Variants in NOTCH2 observed in about 807,000 individuals in gnomAD.
The protein encoded by NOTCH2 is neurogenic locus notch homolog protein 2.
In NOTCH2, 29 loss-of-function variants were observed where a neutral mutation model predicts 235.8. The observed-to-expected ratio is 0.12, with a 90% CI of 0.09 to 0.17. The LOEUF (loss-of-function observed/expected upper bound fraction) is 0.17. Among genes scored for constraint, NOTCH2 ranks in the 10% least tolerant of loss-of-function variants. NOTCH2 has a pLI of 1.00. For missense variants in NOTCH2, 2,285 were observed against 3,150.2 expected (o/e 0.73, Z 6.57); for synonymous variants, 1,086 against 1,141.5 (o/e 0.95, Z 0.98).
intron 1 of NOTCH2, among the ~76,000 whole-genome samples, chr1:120,030,638 G>A (rs1654054887): frequency 9.6e-6 from 1 of 104,530 alleles, no homozygotes; most frequent in Admixed American, 1.1e-4. Flanking sequence ...AGTATCAAAA[G>A]AAATAAAAGG....
Position 119,916,278 on chromosome 1 carries a change from T to C in NOTCH2, c.6444A>G (p.Leu2148=). 6.2e-7 allele frequency: 1 copy of C among 1,614,164 alleles called. No individual in the cohort carries two copies. The highest frequency in any genetic ancestry group is 1.1e-5 in the South Asian group (1 of 91,084). The change falls in exon 34 of 34, where the codon TTA becomes TTG. Residue 2148 remains leucine (L), a synonymous_variant. Transcript: ENST00000256646. ...GAGATTCTAGGGAATCAACAGGGGA[T>C]AAAGTTACTGAACTCTCAGACAGTT... is the stretch of plus-strand genomic sequence containing the variant. ...KVQLSESSVT[L]SPVDSLESPH...
intron 2 of NOTCH2, among the ~76,000 whole-genome samples, chr1:120,009,372 G>A (rs1396219949): frequency 7.3e-5 from 11 of 151,520 alleles, no homozygotes; most frequent in African/African-American, 2.2e-4. Context: ...TATTAATAAA[G>A]TTTGATTTCT....
chr1:119,949,899 G>GTGTTT (rs1309508207), intron 15 of NOTCH2, among the ~76,000 whole-genome samples: 1 of 152,158 alleles, frequency 6.6e-6, no homozygotes, highest in Non-Finnish European at 1.5e-5. Context: ...GTCTATGTTT[G>GTGTTT]TGTTTTGTTC....
intron 5 of NOTCH2, among the ~76,000 whole-genome samples, chr1:119,981,562 A>G (rs1362893322): frequency 5.9e-5 from 9 of 152,164 alleles, no homozygotes; most frequent in Non-Finnish European, 1.2e-4. Context: ...AGCCAAGGCT[A>G]CACCCTGAGT....
chr1:120,003,770 A>G (rs1652854663), intron 3 of NOTCH2, among the ~76,000 whole-genome samples: 1 of 151,958 alleles, frequency 6.6e-6, no homozygotes, highest in Non-Finnish European at 1.5e-5. Context: ...GCCTAAAGGA[A>G]TCATGAAAGG....
chr1:119,934,535 G>C (rs1553195520), intron 22 of NOTCH2, among the ~76,000 whole-genome samples: 1 of 152,116 alleles, frequency 6.6e-6, no homozygotes, highest in Non-Finnish European at 1.5e-5. Flanking sequence ...CTTAAAGACT[G>C]TTTCTCCTTA....
intron 19 of NOTCH2, among the ~76,000 whole-genome samples, chr1:119,938,440 TATTTATCC>T (rs1553196042): frequency 1.3e-5 from 2 of 152,164 alleles, no homozygotes; most frequent in Non-Finnish European, 2.9e-5. Context: ...ACAAGATAAT[TATTTATCC>T]AATTTTTGGT....
At position 119,925,477 on chromosome 1, in the gene NOTCH2, C is replaced by A. The variant is rs757093466; in HGVS notation, c.4339G>T (p.Ala1447Ser). The change falls in exon 25 of 34, where the codon GCC (alanine) becomes TCC (serine). Residue 1447 changes from alanine to serine, a missense_variant. Coordinates refer to ENST00000256646, the MANE Select transcript of NOTCH2 (RefSeq NM_024408.4). ...CAGTCACCCCCATCCCACTGGCAGG[C>A]ATGGCTGTTGCAGGCCTCATCACAG... ...GVCDEACNSH[A>S]CQWDGGDCSL... is the part of the protein sequence containing the mutation. 6.2e-7 allele frequency: 1 copy of A among 1,614,206 alleles called. No individual in the cohort carries two copies. The highest frequency in any genetic ancestry group is 8.5e-7 in the Non-Finnish European group (1 of 1,180,042).
intron 5 of NOTCH2, among the ~76,000 whole-genome samples, chr1:119,977,031 T>G (rs1229032812): frequency 6.6e-6 from 1 of 152,074 alleles, no homozygotes; most frequent in Admixed American, 6.6e-5. Flanking sequence ...TTATGGAGAA[T>G]TATATTGTCT....
rs1328023511 is a variant in NOTCH2 at position 119,925,607 on chromosome 1, G to C, written c.4209C>G (p.Ala1403=). ...CACAGCGGCTACCCGAGAATGGTGGGGCACACTGGCAGGAGTAATAAGGAG... is the reference window on the plus strand; with the variant it reads ...CACAGCGGCTACCCGAGAATGGTGGCGCACACTGGCAGGAGTAATAAGGAG... ...RQPPYYSCQC[A]PPFSGSRCEL... is the part of the protein sequence containing the mutation. The change falls in exon 25 of 34, where the codon GCC becomes GCG. Residue 1403 remains alanine (A), a synonymous_variant. Coordinates refer to ENST00000256646, the MANE Select transcript of NOTCH2 (RefSeq NM_024408.4). 6.2e-7 allele frequency: 1 copy of C among 1,614,128 alleles called. No homozygotes were observed. The highest frequency in any genetic ancestry group is 8.5e-7 in the Non-Finnish European group (1 of 1,180,016).
intron 5 of NOTCH2, among the ~76,000 whole-genome samples, chr1:119,977,812 C>G (rs1272078247): frequency 6.6e-6 from 1 of 152,104 alleles, no homozygotes; most frequent in Admixed American, 6.5e-5. Flanking sequence ...GGGCTGGGAA[C>G]AACTGGAAAA....
chr1:119,919,259 C>T (rs1649190721), intron 31 of NOTCH2, 53 bp downstream of exon 31: 1 of 1,516,638 alleles, frequency 6.6e-7, no homozygotes, highest in African/African-American at 1.4e-5. Context: ...AACGATAAAA[C>T]ATTATAGAGC....
chr1:120,049,090 TACAA>T (rs1654913400), intron 1 of NOTCH2, among the ~76,000 whole-genome samples: 1 of 16,390 alleles, frequency 6.1e-5, no homozygotes, highest in Admixed American at 7.3e-4. Flanking sequence ...ACTGAAATTC[TACAA>T]ACAAAGGGGT....
intron 2 of NOTCH2, among the ~76,000 whole-genome samples, chr1:120,016,025 A>T (rs1570749737): frequency 7.8e-6 from 1 of 128,102 alleles, no homozygotes; most frequent in Non-Finnish European, 1.7e-5. Flanking sequence ...AAAGAACTTT[A>T]AAAAAAAGTA....
At chr1:119,968,289 A>G in intron 6 of NOTCH2, 57 bp from the exon 7 acceptor site, 6 of 1,567,870 alleles carry the variant, frequency 3.8e-6, no homozygotes, top group Non-Finnish European at 4.4e-6. Context: ...CTTGGGGAAG[A>G]GCTTTCTCTT....
Position 119,920,210 on chromosome 1 carries a change from G to C in NOTCH2, c.5479+19C>G. The C allele has an allele frequency of 6.2e-7, 1 of 1,613,688 alleles. No individual in the cohort carries two copies. The highest frequency in any genetic ancestry group is 8.5e-7 in the Non-Finnish European group (1 of 1,179,844). On this transcript the variant is annotated intron_variant, in intron 30 of 33. Coordinates refer to ENST00000256646, the MANE Select transcript of NOTCH2 (RefSeq NM_024408.4). ...GGCAGACACAGCCCAGTGAAGAGGG[G>C]AAGAGGCCCGGTGCTGACCTGGGCC...
intron 15 of NOTCH2, 186 bp downstream of exon 15, chr1:119,950,538 G>A (rs781807214): frequency 1.4e-6 from 1 of 698,720 alleles, no homozygotes; most frequent in South Asian, 1.5e-5. Context: ...TCCACCACTT[G>A]CATCTTAGGA....
chr1:119,955,184 C>A lies in NOTCH2; in HGVS notation c.2075G>T (p.Arg692Leu), dbSNP rs782026650. 1 of 1,614,034 alleles carries A rather than the reference C, an allele frequency of 6.2e-7. No homozygotes were observed. The highest frequency in any genetic ancestry group is 8.5e-7 in the Non-Finnish European group (1 of 1,179,984). Residue 692 changes from arginine to leucine, a missense_variant, in exon 13 of 34, where the codon CGC (arginine) becomes CTC (leucine). Physicochemically the swap from Arg to Leu is moderately radical, Grantham distance 102. Transcript: ENST00000256646. ...DIDECASNPC[R>L]KGATCINGVN... ...ACCGTTGATACATGTTGCACCCTTG[C>A]GACAGGGATTGGAGGCACACTCATC...
intron 1 of NOTCH2, among the ~76,000 whole-genome samples, chr1:120,048,269 G>A (rs1256373224): frequency 7.2e-6 from 1 of 139,072 alleles, no homozygotes; most frequent in African/African-American, 2.9e-5. Flanking sequence ...AAGAAACAAT[G>A]CTTGTCCATA....
Sources: gnomAD v4.1 joint callset for allele counts (sites outside exome capture counted in the v4.1 genomes callset) on GRCh38, gnomAD v4.1.1 for gene constraint, MANE v1.5 for transcripts, NCBI Gene and HGNC (gene_info 2026-07-23, HGNC 2026-07-21) for gene names.